HEMK2: variants seen among roughly 807,000 people sequenced by gnomAD.
HEMK2 encodes HemK methyltransferase 2, ETF1 glutamine and histone H4 lysine, also known as methyltransferase HEMK2.
the HEMK2 span, among the ~76,000 whole-genome samples, chr21:28,641,431 T>C: frequency 1.3e-5 from 2 of 152,132 alleles, no homozygotes; most frequent in East Asian, 1.9e-4. Flanking sequence ...CTCTAAAAAA[T>C]GGGCTATATA....
the HEMK2 span, among the ~76,000 whole-genome samples, chr21:28,671,701 C>T: frequency 6.6e-6 from 1 of 152,088 alleles, no homozygotes; most frequent in African/African-American, 2.4e-5. Flanking sequence ...TATAGCAATG[C>T]CAGGGATATC....
chr21:28,757,710 T>G, the HEMK2 span, among the ~76,000 whole-genome samples: 2 of 152,020 alleles, frequency 1.3e-5, no homozygotes, highest in Non-Finnish European at 2.9e-5. Flanking sequence ...AAGAAAGAAT[T>G]GAGTTGGTCA....
the HEMK2 span, among the ~76,000 whole-genome samples, chr21:28,700,788 T>C: frequency 3.3e-5 from 5 of 151,802 alleles, no homozygotes; most frequent in African/African-American, 1.2e-4. Flanking sequence ...CCCTAACTCA[T>C]TGTATGAGGC....
the HEMK2 span, among the ~76,000 whole-genome samples, chr21:28,647,321 T>TAAAAAAAAAAA: frequency 8.6e-5 from 4 of 46,422 alleles, no homozygotes; most frequent in East Asian, 7.7e-4. Context: ...CCATCTCTAC[T>TAAAAAAAAAAA]AAAAAAAAAA....
At chr21:28,862,433 A>C in the HEMK2 span, among the ~76,000 whole-genome samples, 8 of 123,200 alleles carry the variant, frequency 6.5e-5, 1 homozygote, top group Non-Finnish European at 1.4e-4. Context: ...AGGTCAGGAG[A>C]TCAAGACCAT....
the HEMK2 span, among the ~76,000 whole-genome samples, chr21:28,586,671 T>C: frequency 6.6e-6 from 1 of 152,228 alleles, no homozygotes; most frequent in Non-Finnish European, 1.5e-5. Context: ...TTCAATTGTA[T>C]CTGATTTTAT....
the HEMK2 span, among the ~76,000 whole-genome samples, chr21:28,870,165 A>C: frequency 0.17 from 26,180 of 152,216 alleles, 2,350 homozygotes; most frequent in South Asian, 0.23. Context: ...ACTGATAAGG[A>C]AGTACAGAGA....
the HEMK2 span, among the ~76,000 whole-genome samples, chr21:28,646,129 C>A: frequency 6.6e-6 from 1 of 152,116 alleles, no homozygotes; most frequent in African/African-American, 2.4e-5. Flanking sequence ...TGAGAGAGAA[C>A]ATCTGGCACA....
chr21:28,601,286 C>T, the HEMK2 span, among the ~76,000 whole-genome samples: 2 of 152,318 alleles, frequency 1.3e-5, no homozygotes, highest in Admixed American at 1.3e-4. Context: ...CTTTCAATGA[C>T]CTGCATTTAC....
chr21:28,673,463 A>G, the HEMK2 span, among the ~76,000 whole-genome samples: 1 of 150,108 alleles, frequency 6.7e-6, no homozygotes, highest in Non-Finnish European at 1.5e-5. Context: ...GCAACATTCC[A>G]AACTCAAACA....
chr21:28,864,728 T>C, the HEMK2 span, among the ~76,000 whole-genome samples: 1 of 152,194 alleles, frequency 6.6e-6, no homozygotes, highest in African/African-American at 2.4e-5. Context: ...TGGTTTTCCA[T>C]TCCTGGGAAT....
chr21:28,871,893 T>C, the HEMK2 span, among the ~76,000 whole-genome samples: 1 of 151,818 alleles, frequency 6.6e-6, no homozygotes, highest in African/African-American at 2.4e-5. Context: ...TGGCCCTATG[T>C]CTCTGTTTCT....
the HEMK2 span, among the ~76,000 whole-genome samples, chr21:28,820,723 C>T: frequency 6.6e-6 from 1 of 152,174 alleles, no homozygotes; most frequent in South Asian, 2.1e-4. Context: ...ACCTTCCAAG[C>T]TTTCCCTTCA....
At chr21:28,844,426 T>G in the HEMK2 span, among the ~76,000 whole-genome samples, 3 of 152,088 alleles carry the variant, frequency 2.0e-5, no homozygotes, top group Admixed American at 2.0e-4. Flanking sequence ...AATTTCTATA[T>G]CTTGTCTCCT....
chr21:28,879,895 G>A, the HEMK2 span: 1 of 1,598,862 alleles, frequency 6.3e-7, no homozygotes, highest in East Asian at 2.3e-5. Flanking sequence ...CACTACATAG[G>A]GGGGATTAAA....
chr21:28,727,232 T>C, the HEMK2 span, among the ~76,000 whole-genome samples: 71,075 of 152,000 alleles, frequency 0.47, 18,405 homozygotes, highest in East Asian at 0.84. Flanking sequence ...TCCCCACGTA[T>C]TCCCTTGGGA....
chr21:28,869,250 T>C, the HEMK2 span, among the ~76,000 whole-genome samples: 5 of 152,232 alleles, frequency 3.3e-5, no homozygotes, highest in African/African-American at 7.2e-5. Flanking sequence ...TTTAACCTAT[T>C]AGAATGATAA....
At chr21:28,692,456 A>C in the HEMK2 span, among the ~76,000 whole-genome samples, 1 of 152,144 alleles carries the variant, frequency 6.6e-6, no homozygotes, top group Non-Finnish European at 1.5e-5. Flanking sequence ...GCTTTACAAT[A>C]AGGAAAGTAA....
the HEMK2 span, among the ~76,000 whole-genome samples, chr21:28,629,891 A>T: frequency 6.6e-6 from 1 of 151,676 alleles, no homozygotes; most frequent in East Asian, 1.9e-4. Context: ...GAATCAGTAC[A>T]GCTTAGTCTT....
Sources: allele counts gnomAD v4.1 joint callset (sites outside exome capture counted in the v4.1 genomes callset), GRCh38; gene constraint gnomAD v4.1.1; transcripts MANE v1.5; gene names NCBI Gene and HGNC (gene_info 2026-07-23, HGNC 2026-07-21).